The following ZIM2 variants were observed in gnomAD, a reference collection of about 807,000 sequenced individuals.
ZIM2 encodes zinc finger imprinted 2, also known as zinc finger protein 656.
Under a neutral mutation model 38.6 loss-of-function variants are expected in ZIM2, and 14 were observed. The observed-to-expected ratio is 0.36, with a 90% CI of 0.24 to 0.57. The LOEUF (loss-of-function observed/expected upper bound fraction) is 0.57, where lower values mean the gene tolerates loss of function less well. Among genes scored for constraint, ZIM2 ranks in the 20% least tolerant of loss-of-function variants. The pLI, the probability that ZIM2 is intolerant of heterozygous loss-of-function variation, is 0.81. For missense variants in ZIM2, 680 were observed against 695.1 expected (o/e 0.98, Z 0.24); for synonymous variants, 247 against 245.8 (o/e 1.00, Z -0.04).
At chr19:56,809,434 C>T (rs957547778) in intron 9 of ZIM2, among the ~76,000 whole-genome samples, 2 of 152,126 alleles carry the variant, frequency 1.3e-5, no homozygotes, top group African/African-American at 2.4e-5. Flanking sequence ...ACACAGCAGC[C>T]GCAAATTGGG....
chr19:56,803,341 G>A (rs777975415), intron 9 of ZIM2, among the ~76,000 whole-genome samples: 10 of 152,326 alleles, frequency 6.6e-5, no homozygotes, highest in South Asian at 6.2e-4. Context: ...TGAACCTACT[G>A]AAAATGTGGA....
chr19:56,833,726 G>T (rs1032528475), intron 2 of ZIM2: 18 of 158,232 alleles, frequency 1.1e-4, no homozygotes, highest in Admixed American at 1.0e-3. Flanking sequence ...TGTTCTTTGA[G>T]AACCACTGCT....
intron 9 of ZIM2, among the ~76,000 whole-genome samples, chr19:56,794,260 C>T (rs1053493616): frequency 1.3e-5 from 2 of 152,122 alleles, no homozygotes; most frequent in Non-Finnish European, 2.9e-5. Context: ...TACTTTCTCT[C>T]AAAACTATTT....
rs1017398502 is a variant in ZIM2, at chr19:56,790,677, A to C, written c.491-726T>G. 1.8e-4 allele frequency among the ~76,000 whole-genome samples: 27 copies of C among 152,200 alleles called. 1 individual carries two copies. Among genetic ancestry groups the C allele is most frequent in the Non-Finnish European group, 4.0e-4 (27 of 68,030 alleles). On this transcript the variant is annotated intron_variant, in intron 9 of 12. Transcript: ENST00000629319. ...TGTTCCATTTTATAACTAGTTGTTA[A>C]TATCGTACTGTGCCTAATTAATAAA...
chr19:56,816,596 C>T (rs200650380), intron 9 of ZIM2: 49 of 1,613,836 alleles, frequency 3.0e-5, no homozygotes, highest in Non-Finnish European at 2.1e-5. Context: ...TTCTGAAACT[C>T]ATTAAGGGCT....
chr19:56,810,525 T>G, intron 9 of ZIM2: 1 of 983,796 alleles, frequency 1.0e-6, no homozygotes, highest in Non-Finnish European at 1.2e-6. Context: ...TGGGAATATG[T>G]GTGAATTTTC....
At chr19:56,810,139 A>G (rs2048017286) in intron 9 of ZIM2, 2 of 971,714 alleles carry the variant, frequency 2.1e-6, no homozygotes, top group Non-Finnish European at 2.4e-6. Context: ...GACCACAACC[A>G]TATTAACAAA....
intron 9 of ZIM2, chr19:56,815,672 C>G: frequency 6.2e-7 from 1 of 1,614,186 alleles, no homozygotes; most frequent in Non-Finnish European, 8.5e-7. Flanking sequence ...GAGCTGGGAA[C>G]AGAGAATTCG....
chr19:56,812,899 A>G, intron 9 of ZIM2: 1 of 985,768 alleles, frequency 1.0e-6, no homozygotes, highest in Non-Finnish European at 1.2e-6. Context: ...TGTGGCAACC[A>G]ATCAATCTGG....
At chr19:56,797,739 T>C (rs2047304799) in intron 9 of ZIM2, among the ~76,000 whole-genome samples, 1 of 152,148 alleles carries the variant, frequency 6.6e-6, no homozygotes, top group Admixed American at 6.6e-5. Flanking sequence ...GGCTGTGAGT[T>C]TAAGGGACCA....
At chr19:56,805,265 C>T (rs1051090449) in intron 9 of ZIM2, among the ~76,000 whole-genome samples, 5 of 152,158 alleles carry the variant, frequency 3.3e-5, no homozygotes, top group African/African-American at 1.2e-4. Flanking sequence ...GAGGGCAAAT[C>T]GTTCAATCCC....
At chr19:56,813,446 T>C (rs1476317452) in intron 9 of ZIM2, 5 of 1,368,584 alleles carry the variant, frequency 3.7e-6, no homozygotes, top group Non-Finnish European at 4.7e-6. Context: ...GTAAGATGTG[T>C]GCTATGGCTT....
In ZIM2 at chr19:56,823,826, C is replaced by T. The variant is rs1348055578; in HGVS notation, c.17-147G>A. 22 of 960,008 alleles carry T rather than the reference C, an allele frequency of 2.3e-5. No homozygotes were observed. The East Asian group carries it at 2.3e-4, about 10-fold the overall frequency. 59.5% of individuals were successfully genotyped at this position (960,008 alleles called of 1,614,324 possible). ...CATTTCTGAGTTCAAAACCCTTCAGCGGCTTCCAACCACTCCTGGCATACT... is the reference window on the plus strand; with the variant it reads ...CATTTCTGAGTTCAAAACCCTTCAGTGGCTTCCAACCACTCCTGGCATACT... On this transcript the variant is annotated intron_variant, in intron 4 of 12. Transcript: ENST00000629319.
At chr19:56,777,287 A>G (rs978457724) in intron 12 of ZIM2, among the ~76,000 whole-genome samples, 2 of 152,166 alleles carry the variant, frequency 1.3e-5, no homozygotes, top group Non-Finnish European at 2.9e-5. Flanking sequence ...TGAAGAGAAC[A>G]CTCAAGAACG....
At chr19:56,840,376 T>C (rs1407934573) in intron 1 of ZIM2, among the ~76,000 whole-genome samples, 2 of 151,820 alleles carry the variant, frequency 1.3e-5, no homozygotes, top group Non-Finnish European at 2.9e-5. Flanking sequence ...GCACCAACCA[T>C]CCACAGCCTG....
At chr19:56,782,212 T>G in intron 10 of ZIM2, 91 bp from the exon 11 acceptor site, 1 of 1,512,386 alleles carries the variant, frequency 6.6e-7, no homozygotes, top group Non-Finnish European at 8.9e-7. Flanking sequence ...CGTGCTCTAA[T>G]CCAGAGCCAC....
rs1482965198 is a variant in ZIM2 at position 56,814,904 on chromosome 19, C to A, written c.490+2842G>T. On this transcript the variant is annotated intron_variant, in intron 9 of 12. Transcript: ENST00000629319. The surrounding 1 kb of genome is among the most constrained non-coding windows in gnomAD (Gnocchi z 5.8). ...TCTTGTTCATGGATTCTCTGATGCTCGAAAAGGAATGAGCTATGAATAAAA... is the reference window on the plus strand; with the variant it reads ...TCTTGTTCATGGATTCTCTGATGCTAGAAAAGGAATGAGCTATGAATAAAA... 4 of 1,613,990 alleles carry A rather than the reference C, an allele frequency of 2.5e-6. No individual in the cohort carries two copies. The highest frequency in any genetic ancestry group is 3.4e-6 in the Non-Finnish European group (4 of 1,180,036).
At chr19:56,823,301 C>G (rs1481728651) in intron 5 of ZIM2, among the ~76,000 whole-genome samples, 1 of 152,230 alleles carries the variant, frequency 6.6e-6, no homozygotes, top group Non-Finnish European at 1.5e-5. Flanking sequence ...TTTAATGAAC[C>G]TTCCTGAGGA....
At chr19:56,809,817 T>C (rs2146052075) in intron 9 of ZIM2, among the ~76,000 whole-genome samples, 1 of 152,344 alleles carries the variant, frequency 6.6e-6, no homozygotes, top group East Asian at 1.9e-4. Context: ...GTAACTAAGA[T>C]GTACTTGCGG....
Sources: allele counts gnomAD v4.1 joint callset (sites outside exome capture counted in the v4.1 genomes callset), GRCh38; gene constraint gnomAD v4.1.1; non-coding constraint Gnocchi (gnomAD v3.1); transcripts MANE v1.5; gene names NCBI Gene and HGNC (gene_info 2026-07-23, HGNC 2026-07-21).